The following BNC2 variants were observed in gnomAD, a reference collection of about 807,000 sequenced individuals.
BNC2 encodes zinc finger protein basonuclin-2.
Under a neutral mutation model 76.3 loss-of-function variants are expected in BNC2, and 20 were observed. That is an observed-to-expected ratio of 0.26 (90% CI 0.18 to 0.38). The LOEUF (loss-of-function observed/expected upper bound fraction) is 0.38, where lower values mean the gene tolerates loss of function less well. BNC2 is among the 10% of genes least tolerant of loss of function. The probability of loss-of-function intolerance (pLI) is 1.00; values close to 1 mark genes in which losing one functional copy is unlikely to be tolerated. For missense variants in BNC2, 1,382 were observed against 1,399.8 expected, an observed-to-expected ratio of 0.99 and a Z score of 0.20; for synonymous variants, 582 against 514.8, an observed-to-expected ratio of 1.13 and a Z score of -1.77.
intron 3 of BNC2, among the ~76,000 whole-genome samples, chr9:16,662,674 T>G (rs1822144028): frequency 1.3e-5 from 2 of 152,254 alleles, no homozygotes; most frequent in South Asian, 4.1e-4. Context: ...AGGTGGAGGT[T>G]GCAGTGAGCT....
At chr9:16,570,634 C>A (rs1451645907) in intron 4 of BNC2, among the ~76,000 whole-genome samples, 1 of 152,156 alleles carries the variant, frequency 6.6e-6, no homozygotes, top group Admixed American at 6.5e-5. Context: ...CTTAAATGCA[C>A]AAGTAGAAAA....
chr9:16,849,929 A>G (rs935801035), intron 1 of BNC2, among the ~76,000 whole-genome samples: 1 of 152,070 alleles, frequency 6.6e-6, no homozygotes, highest in Non-Finnish European at 1.5e-5. Flanking sequence ...AGGCTGTCCC[A>G]CAAACAGTGT....
At chr9:16,751,503 T>C (rs1036870999) in intron 1 of BNC2, among the ~76,000 whole-genome samples, 2 of 151,676 alleles carry the variant, frequency 1.3e-5, no homozygotes, top group Non-Finnish European at 2.9e-5. Flanking sequence ...TGCAGATTAA[T>C]TTTTCTCAAA....
intron 3 of BNC2, among the ~76,000 whole-genome samples, chr9:16,689,163 C>CAAAAAAA (rs58620248): frequency 2.0e-5 from 1 of 50,490 alleles, no homozygotes; most frequent in African/African-American, 6.2e-5. Context: ...ACTGAGATCA[C>CAAAAAAA]AAAAAAAAAA....
At chr9:16,713,527 G>T (rs1431056852) in intron 3 of BNC2, among the ~76,000 whole-genome samples, 1 of 149,874 alleles carries the variant, frequency 6.7e-6, no homozygotes. Flanking sequence ...TTCTCTTAGG[G>T]ATGTGCAGGC....
chr9:16,501,047 T>A (rs890334447), intron 5 of BNC2, among the ~76,000 whole-genome samples: 3 of 152,210 alleles, frequency 2.0e-5, no homozygotes, highest in African/African-American at 7.2e-5. Context: ...TATATGATAT[T>A]GAACAAGTTA....
intron 5 of BNC2, among the ~76,000 whole-genome samples, chr9:16,524,673 G>A (rs1202291904): frequency 6.6e-6 from 1 of 152,068 alleles, no homozygotes; most frequent in South Asian, 2.1e-4. Flanking sequence ...CAATACAGTG[G>A]AAGAAAAAAT....
At position 16,480,603 on chromosome 9, in the gene BNC2, G is replaced by A. The variant is rs142030436; in HGVS notation, c.670-43079C>T. On this transcript the variant is annotated intron_variant, in intron 5 of 6. Transcript: ENST00000380672. ...GGGCTTGGCGGGCCCCACACTTGGA[G>A]CAGCAGGCCGGCCCTGCTGGACCGG... 8.0e-3 allele frequency among the ~76,000 whole-genome samples: 1,224 copies of A among 152,340 alleles called. 23 individuals carry two copies. The highest frequency in any genetic ancestry group is 0.028 in the African/African-American group (1,160 of 41,580).
intron 1 of BNC2, among the ~76,000 whole-genome samples, chr9:16,773,327 T>C (rs907427463): frequency 1.8e-4 from 27 of 152,122 alleles, no homozygotes; most frequent in Admixed American, 7.9e-4. Context: ...ACTTTGCTCA[T>C]CCTGCCTGCC....
chr9:16,825,147 A>G (rs1818424453), intron 1 of BNC2, among the ~76,000 whole-genome samples: 1 of 152,090 alleles, frequency 6.6e-6, no homozygotes, highest in African/African-American at 2.4e-5. Flanking sequence ...CAGCCGAATG[A>G]GGAGGTATGT....
intron 4 of BNC2, among the ~76,000 whole-genome samples, chr9:16,561,250 A>C (rs1819005287): frequency 6.6e-6 from 1 of 151,900 alleles, no homozygotes; most frequent in Non-Finnish European, 1.5e-5. Context: ...AAAAAAAAAA[A>C]ACAAAACCCA....
chr9:16,547,314 C>G (rs1220688674), intron 5 of BNC2, among the ~76,000 whole-genome samples: 5 of 152,248 alleles, frequency 3.3e-5, no homozygotes, highest in African/African-American at 1.2e-4. Context: ...AACAGCCCAG[C>G]TGCTGCTATA....
chr9:16,480,946 CACTGGGTGA>C (rs1319755851), intron 5 of BNC2, among the ~76,000 whole-genome samples: 3 of 152,354 alleles, frequency 2.0e-5, no homozygotes, highest in Middle Eastern at 3.4e-3. Flanking sequence ...GTGCGGGATC[CACTGGGTGA>C]AGCCAGCTGG....
intron 1 of BNC2, among the ~76,000 whole-genome samples, chr9:16,786,423 C>T (rs1176091635): frequency 6.6e-6 from 1 of 151,418 alleles, no homozygotes; most frequent in East Asian, 1.9e-4. Context: ...AGACCCAGTA[C>T]AGAAGAAACG....
At chr9:16,754,260 G>T (rs1312377337) in intron 1 of BNC2, among the ~76,000 whole-genome samples, 1 of 152,088 alleles carries the variant, frequency 6.6e-6, no homozygotes, top group African/African-American at 2.4e-5. Flanking sequence ...ATGTCCCTGA[G>T]CGCCATTTCT....
chr9:16,717,307 A>C (rs1218952512), intron 3 of BNC2, among the ~76,000 whole-genome samples: 1 of 152,214 alleles, frequency 6.6e-6, no homozygotes, highest in Non-Finnish European at 1.5e-5. Context: ...ATCCAAGACT[A>C]AACTTACTTT....
chr9:16,571,937 A>G (rs1346070759), intron 4 of BNC2, among the ~76,000 whole-genome samples: 2 of 152,020 alleles, frequency 1.3e-5, no homozygotes, highest in Admixed American at 1.3e-4. Flanking sequence ...GGGCCTTGTG[A>G]TGGTCGCTTT....
At chr9:16,809,983 G>A (rs1017656884) in intron 1 of BNC2, among the ~76,000 whole-genome samples, 1 of 152,134 alleles carries the variant, frequency 6.6e-6, no homozygotes, top group South Asian at 2.1e-4. Flanking sequence ...TGAGTAAGAG[G>A]CTTCTCTGCC....
chr9:16,819,642 G>C (rs367977890), intron 1 of BNC2, among the ~76,000 whole-genome samples: 10 of 151,982 alleles, frequency 6.6e-5, no homozygotes, highest in African/African-American at 1.9e-4. Flanking sequence ...GGGTGACAGA[G>C]CAAGATTCCT....
Sources: allele counts gnomAD v4.1 joint callset (sites outside exome capture counted in the v4.1 genomes callset), GRCh38; gene constraint gnomAD v4.1.1; transcripts MANE v1.5; gene names NCBI Gene and HGNC (gene_info 2026-07-23, HGNC 2026-07-21).